The following ADARB1 variants were observed in gnomAD, a reference collection of about 807,000 sequenced individuals.
The protein encoded by ADARB1 is double-stranded RNA-specific editase 1.
A neutral mutation model predicts 52.4 loss-of-function variants in ADARB1; 10 were observed. The ratio of observed to expected loss-of-function variants is 0.19; its 90% confidence interval spans 0.12 to 0.32. The LOEUF (loss-of-function observed/expected upper bound fraction) is 0.32. ADARB1 is among the 10% of genes least tolerant of loss of function. The pLI, the probability that ADARB1 is intolerant of heterozygous loss-of-function variation, is 1.00. For missense variants in ADARB1, 643 were observed against 922.3 expected, an observed-to-expected ratio of 0.70 and a Z score of 3.92; for synonymous variants, 349 against 371.1, an observed-to-expected ratio of 0.94 and a Z score of 0.68.
chr21:45,147,460 G>A (rs1190768777), intron 2 of ADARB1, among the ~76,000 whole-genome samples: 1 of 152,236 alleles, frequency 6.6e-6, no homozygotes, highest in Non-Finnish European at 1.5e-5. Flanking sequence ...GCTAAGCACA[G>A]ATGTGTGCAC....
At position 45,223,218 on chromosome 21, in the gene ADARB1, C is replaced by T. The variant is rs894554290; in HGVS notation, c.*1021C>T. On this transcript the variant is annotated 3_prime_UTR_variant, in exon 11 of 11. Transcript: ENST00000348831. ...AGTAGATACTCATTCTTGGAAAATG[C>T]CATAGTTTTAAATTATTGTTTCCAG... is the stretch of plus-strand genomic sequence containing the variant. 1.9e-5 allele frequency: 19 copies of T among 985,308 alleles called. No individual in the cohort carries two copies. Among genetic ancestry groups the T allele is most frequent in the Admixed American group, 6.1e-5 (1 of 16,268 alleles). The allele number at this position is 985,308 out of a possible 1,614,324, so 61.0% of individuals were successfully genotyped here.
At position 45,222,134 on chromosome 21, in the gene ADARB1, G is replaced by C; in HGVS notation, c.2043G>C (p.Lys681Asn). Residue 681 changes from lysine to asparagine, a missense_variant, in exon 11 of 11, where the codon AAG (lysine) becomes AAC (asparagine). By Grantham distance (94) the Lys-to-Asn change is moderately conservative. Coordinates refer to ENST00000348831, the MANE Select transcript of ADARB1 (RefSeq NM_001112.4). ...AKARLFTAFI[K>N]AGLGAWVEKP... ...CGCGTCTGTTCACAGCCTTCATCAA[G>C]GCGGGGCTGGGGGCCTGGGTGGAGA... is the stretch of plus-strand genomic sequence containing the variant. 1 of 1,611,020 alleles carries C rather than the reference G, an allele frequency of 6.2e-7. No homozygotes were observed. The highest frequency in any genetic ancestry group is 8.5e-7 in the Non-Finnish European group (1 of 1,178,910).
rs1438067165 is a variant in ADARB1, at chr21:45,172,262, G to A, written c.28+578G>A. On this transcript the variant is annotated intron_variant, in intron 3 of 10. Transcript: ENST00000348831. The surrounding 1 kb of genome is among the most constrained non-coding windows in gnomAD (Gnocchi z 4.4). ...GCCGCTGGGGTACGTTGGTGTTTCGGTGAAGGTACTTATCTCTTCTAGTTC... is the reference window on the plus strand; with the variant it reads ...GCCGCTGGGGTACGTTGGTGTTTCGATGAAGGTACTTATCTCTTCTAGTTC... 6.6e-6 allele frequency among the ~76,000 whole-genome samples: 1 copy of A among 152,134 alleles called. No individual in the cohort carries two copies. Among genetic ancestry groups the A allele is most frequent in the African/African-American group, 2.4e-5 (1 of 41,430 alleles).
intron 1 of ADARB1, among the ~76,000 whole-genome samples, chr21:45,102,045 C>G (rs1299263392): frequency 2.0e-5 from 3 of 152,128 alleles, no homozygotes; most frequent in Admixed American, 2.0e-4. Context: ...GGCGCACTAC[C>G]ACACCCAGCT....
At chr21:45,179,319 A>T (rs181615640) in intron 4 of ADARB1, among the ~76,000 whole-genome samples, 1 of 152,332 alleles carries the variant, frequency 6.6e-6, no homozygotes, top group East Asian at 1.9e-4. Flanking sequence ...ATAAGAGAAA[A>T]ACATCCTGAC....
chr21:45,100,589 T>G (rs1052721007), intron 1 of ADARB1: 5 of 152,258 alleles, frequency 3.3e-5, no homozygotes, highest in Non-Finnish European at 7.3e-5. Context: ...CAGCCCATCT[T>G]TAACTCAGTA....
chr21:45,193,729 A>G lies in ADARB1; in HGVS notation c.1565+8638A>G, dbSNP rs149965387. On this transcript the variant is annotated intron_variant, in intron 8 of 10. Transcript: ENST00000348831. Reference sequence around the variant, plus strand: ...AAATGTAAAATACAAAATCAGTTATATTTTTTACACCTGCAACAAGCAGTT... The same window carrying G: ...AAATGTAAAATACAAAATCAGTTATGTTTTTTACACCTGCAACAAGCAGTT... 5.6e-3 allele frequency among the ~76,000 whole-genome samples: 847 copies of G among 152,324 alleles called. 6 individuals are homozygous for G. The highest frequency in any genetic ancestry group is 0.019 in the African/African-American group (785 of 41,578).
chr21:45,106,569 G>T (rs2087268248), intron 1 of ADARB1, among the ~76,000 whole-genome samples: 1 of 152,198 alleles, frequency 6.6e-6, no homozygotes, highest in South Asian at 2.1e-4. Flanking sequence ...CTCTCCGGAT[G>T]AGTGACTTGG....
At chr21:45,135,679 G>A (rs2089318747) in intron 2 of ADARB1, among the ~76,000 whole-genome samples, 1 of 152,238 alleles carries the variant, frequency 6.6e-6, no homozygotes, top group African/African-American at 2.4e-5. Flanking sequence ...AAGGCAGAGT[G>A]CGAGAAAGGC....
At chr21:45,194,605 A>G (rs922454569) in intron 8 of ADARB1, among the ~76,000 whole-genome samples, 6 of 150,326 alleles carry the variant, frequency 4.0e-5, no homozygotes, top group African/African-American at 1.5e-4. Context: ...TCACCTCCTA[A>G]CCTCTGGCAA....
chr21:45,203,372 C>T (rs1038452787), intron 8 of ADARB1, among the ~76,000 whole-genome samples: 2 of 152,212 alleles, frequency 1.3e-5, no homozygotes, highest in African/African-American at 4.8e-5. Context: ...CACAGAACCC[C>T]GCCCTTTCTC....
intron 2 of ADARB1, among the ~76,000 whole-genome samples, chr21:45,161,295 A>T (rs1381933526): frequency 6.6e-6 from 1 of 152,106 alleles, no homozygotes; most frequent in Non-Finnish European, 1.5e-5. Flanking sequence ...GAAGCTGTGG[A>T]CCCAGGCATC....
rs755840209 is a variant in ADARB1 at position 45,204,658 on chromosome 21, T to C, written c.1669T>C (p.Ser557Pro). 1 of 1,614,194 alleles carries C rather than the reference T, an allele frequency of 6.2e-7. No homozygotes were observed. The highest frequency in any genetic ancestry group is 8.5e-7 in the Non-Finnish European group (1 of 1,180,044). ...LGSLYHGDHL[S>P]RAMYQRISNI... The stretch of plus-strand genomic sequence containing the variant: ...CAGCCTTTACCACGGGGACCACCTT[T>C]CCAGGGCCATGTACCAGCGGATCTC... The change falls in exon 9 of 11, where the codon TCC becomes CCC. Residue 557 changes from serine to proline, a missense_variant. Coordinates refer to ENST00000348831, the MANE Select transcript of ADARB1 (RefSeq NM_001112.4). This position sits in a 1 kb window ranked among gnomAD's most constrained non-coding sequence, Gnocchi z 4.4.
chr21:45,191,153 A>G (rs902619646), intron 8 of ADARB1, among the ~76,000 whole-genome samples: 2 of 152,140 alleles, frequency 1.3e-5, no homozygotes. Flanking sequence ...AACACCATTG[A>G]TTTTTTAATG....
chr21:45,180,526 T>C (rs1469033718), intron 5 of ADARB1, 82 bp downstream of exon 5: 2 of 1,140,546 alleles, frequency 1.8e-6, no homozygotes, highest in Non-Finnish European at 2.6e-6. Flanking sequence ...CAAAAACCAC[T>C]GTGCCACACC....
chr21:45,141,042 A>G (rs1410417461), intron 2 of ADARB1, among the ~76,000 whole-genome samples: 1 of 152,084 alleles, frequency 6.6e-6, no homozygotes, highest in Non-Finnish European at 1.5e-5. Context: ...ATAAAAGTAA[A>G]AATAAATTAG....
At chr21:45,092,815 A>G (rs1417811983) in intron 1 of ADARB1, among the ~76,000 whole-genome samples, 2 of 152,222 alleles carry the variant, frequency 1.3e-5, no homozygotes, top group Non-Finnish European at 2.9e-5. Flanking sequence ...CCTGAATAAT[A>G]ATTTAAAAAA....
rs531766397 is a variant in ADARB1, at chr21:45,210,836, G to A, written c.1747+6100G>A. 3.3e-5 allele frequency among the ~76,000 whole-genome samples: 5 copies of A among 152,364 alleles called. 1 individual carries two copies. Among genetic ancestry groups the A allele is most frequent in the African/African-American group, 1.2e-4 (5 of 41,584 alleles). On this transcript the variant is annotated intron_variant, in intron 9 of 10. Transcript: ENST00000348831. ...GCTGCTTCAGGAAAAGGAGGAGCTGGCAGGATCACTGTGAGCCTCTCAGCC... is the reference window on the plus strand; with the variant it reads ...GCTGCTTCAGGAAAAGGAGGAGCTGACAGGATCACTGTGAGCCTCTCAGCC...
Position 45,182,707 on chromosome 21 carries a change from A to C in ADARB1, c.1201A>C (p.Arg401=). The C allele has an allele frequency of 6.2e-7, 1 of 1,611,448 alleles. No individual in the cohort carries two copies. Among genetic ancestry groups the C allele is most frequent in the African/African-American group, 1.3e-5 (1 of 74,852 alleles). ...CTGCCATGCAGAAATAATATCTCGG[A>C]GATCCTTGCTCAGATTTCTTTATAC... ...NDCHAEIISR[R]SLLRFLYTQL... The change falls in exon 6 of 11, where the codon AGA becomes CGA. Residue 401 remains arginine, a synonymous_variant. Coordinates refer to ENST00000348831, the MANE Select transcript of ADARB1 (RefSeq NM_001112.4).
Sources: allele counts gnomAD v4.1 joint callset (sites outside exome capture counted in the v4.1 genomes callset), GRCh38; gene constraint gnomAD v4.1.1; non-coding constraint Gnocchi (gnomAD v3.1); transcripts MANE v1.5; gene names NCBI Gene and HGNC (gene_info 2026-07-23, HGNC 2026-07-21).